Variants in SLIT2 observed in about 807,000 individuals in gnomAD.
SLIT2 encodes the protein slit guidance ligand 2, also known as slit homolog 2 protein.
In SLIT2, 41 loss-of-function variants were observed where a neutral mutation model predicts 185.7. The observed-to-expected ratio is 0.22, with a 90% CI of 0.17 to 0.29. SLIT2 has a LOEUF of 0.29. Ranked by LOEUF, SLIT2 falls within the 10% of genes least tolerant of loss-of-function variation. SLIT2 has a pLI of 1.00. For missense variants in SLIT2, 1,571 were observed against 1,909.0 expected (o/e 0.82, Z 3.30); for synonymous variants, 693 against 680.2 (o/e 1.02, Z -0.29).
At chr4:20,565,798 A>G (rs894112866) in intron 26 of SLIT2, among the ~76,000 whole-genome samples, 3 of 152,004 alleles carry the variant, frequency 2.0e-5, no homozygotes, top group African/African-American at 7.2e-5. Flanking sequence ...CTAATGGTTA[A>G]AAACAAACAA....
rs564590477 is a variant in SLIT2 at position 20,483,798 on chromosome 4, G to A, written c.540-2402G>A. 5.3e-5 allele frequency among the ~76,000 whole-genome samples: 8 copies of A among 151,926 alleles called. No individual in the cohort carries two copies. The South Asian group carries it at 1.7e-3, about 32-fold the overall frequency. The stretch of plus-strand genomic sequence containing the variant: ...GAGCACAGAAATAGACTTACACATG[G>A]GAGAAAATGTTCACAACTAAATAAT... On this transcript the variant is annotated intron_variant, in intron 6 of 36. Transcript: ENST00000504154.
intron 6 of SLIT2, 57 bp from the exon 7 acceptor site, chr4:20,486,143 A>G: frequency 9.4e-7 from 1 of 1,067,192 alleles, no homozygotes; most frequent in Non-Finnish European, 1.4e-6. Flanking sequence ...GTTAATATAT[A>G]AAATGATCAA....
intron 18 of SLIT2, among the ~76,000 whole-genome samples, chr4:20,536,558 CAAAAAAAA>C (rs35710842): frequency 1.3e-5 from 1 of 75,832 alleles, no homozygotes; most frequent in Non-Finnish European, 2.5e-5. Flanking sequence ...AACTCTGTCG[CAAAAAAAA>C]AAAAAAAAAA....
intron 4 of SLIT2, among the ~76,000 whole-genome samples, chr4:20,302,304 C>G (rs772544878): frequency 6.6e-6 from 1 of 152,118 alleles, no homozygotes; most frequent in African/African-American, 2.4e-5. Flanking sequence ...TTCAGTCTTT[C>G]TCTAGTGTTC....
intron 11 of SLIT2, among the ~76,000 whole-genome samples, chr4:20,513,529 C>T (rs1719934811): frequency 6.6e-6 from 1 of 152,036 alleles, no homozygotes; most frequent in African/African-American, 2.4e-5. Context: ...ATGTATTGGG[C>T]CCGATTATGT....
chr4:20,285,808 A>G lies in SLIT2; in HGVS notation c.395+16927A>G, dbSNP rs1050336293. 3.3e-5 allele frequency among the ~76,000 whole-genome samples: 5 copies of G among 152,150 alleles called. No individual in the cohort carries two copies. The South Asian group carries it at 6.2e-4, about 19-fold the overall frequency. On this transcript the variant is annotated intron_variant, in intron 4 of 36. Coordinates refer to ENST00000504154, the MANE Select transcript of SLIT2 (RefSeq NM_004787.4). The stretch of plus-strand genomic sequence containing the variant: ...AGCAATCTACCTGCTTCAACCTCCC[A>G]AAGTGCTGGGATTACAAGCATGAGC...
intron 9 of SLIT2, among the ~76,000 whole-genome samples, chr4:20,504,713 C>T (rs1325500160): frequency 6.6e-6 from 1 of 152,040 alleles, no homozygotes; most frequent in Non-Finnish European, 1.5e-5. Flanking sequence ...TATATATACA[C>T]ATATAATTTT....
rs185549700 is a variant in SLIT2 at position 20,509,645 on chromosome 4, G to A, written c.915-850G>A. Among the ~76,000 whole-genome samples the A allele has an allele frequency of 2.1e-4, 32 of 152,206 alleles. No homozygotes were observed. In the East Asian group the frequency reaches 4.6e-3, roughly 22 times the overall value. On this transcript the variant is annotated intron_variant, in intron 9 of 36. Coordinates refer to ENST00000504154, the MANE Select transcript of SLIT2 (RefSeq NM_004787.4). ...GAAGGGGATGGGAAATGATCATAAC[G>A]ATGTTTGTTTGGAGTGAAAGGAGGC... is the stretch of plus-strand genomic sequence containing the variant.
Position 20,254,002 on chromosome 4 carries a change from T to C in SLIT2, c.179+8T>C. 1 of 1,598,302 alleles carries C rather than the reference T, an allele frequency of 6.3e-7. No individual in the cohort carries two copies. Among genetic ancestry groups the C allele is most frequent in the Non-Finnish European group, 8.5e-7 (1 of 1,176,928 alleles). ...CCGCAACACCGAGAGACTGTGAGTA[T>C]GCGCTCTTCGTCTTCCCCTCTCCCC... On this transcript the variant is annotated splice_region_variant and intron_variant, in intron 1 of 36. Coordinates refer to ENST00000504154, the MANE Select transcript of SLIT2 (RefSeq NM_004787.4). The surrounding 1 kb of genome is among the most constrained non-coding windows in gnomAD (Gnocchi z 5.1).
intron 9 of SLIT2, among the ~76,000 whole-genome samples, chr4:20,498,709 G>C (rs563789678): frequency 6.6e-6 from 1 of 152,152 alleles, no homozygotes; most frequent in Non-Finnish European, 1.5e-5. Flanking sequence ...CTTTTTCAGG[G>C]GCTCCAGCTC....
chr4:20,320,775 C>T (rs1163966348), intron 4 of SLIT2, among the ~76,000 whole-genome samples: 1 of 152,168 alleles, frequency 6.6e-6, no homozygotes, highest in African/African-American at 2.4e-5. Context: ...ATAGCCCACT[C>T]CAACTTCTAT....
At chr4:20,292,275 A>C (rs1016036599) in intron 4 of SLIT2, among the ~76,000 whole-genome samples, 2 of 152,218 alleles carry the variant, frequency 1.3e-5, no homozygotes, top group Non-Finnish European at 1.5e-5. Flanking sequence ...TTTGTGTCTG[A>C]ACATCTTGAT....
intron 4 of SLIT2, among the ~76,000 whole-genome samples, chr4:20,291,933 T>C (rs1041414867): frequency 1.3e-5 from 2 of 150,410 alleles, no homozygotes; most frequent in Non-Finnish European, 3.0e-5. Flanking sequence ...TGTGTGTGTG[T>C]GTGTGTGCAT....
intron 4 of SLIT2, among the ~76,000 whole-genome samples, chr4:20,351,082 C>A (rs1024238364): frequency 1.3e-5 from 2 of 150,600 alleles, no homozygotes; most frequent in African/African-American, 2.4e-5. Context: ...GAGTTTTGCC[C>A]TTGTTGCCCA....
intron 4 of SLIT2, among the ~76,000 whole-genome samples, chr4:20,314,089 C>G (rs1187143291): frequency 2.0e-5 from 3 of 152,080 alleles, no homozygotes; most frequent in Non-Finnish European, 4.4e-5. Flanking sequence ...TCTGCCAACC[C>G]CATATTAAGA....
At chr4:20,265,906 G>A (rs1712988383) in intron 3 of SLIT2, among the ~76,000 whole-genome samples, 1 of 151,798 alleles carries the variant, frequency 6.6e-6, no homozygotes, top group Non-Finnish European at 1.5e-5. Context: ...TTTTCCAGAG[G>A]AGTGATTCAG....
chr4:20,569,783 A>G (rs1033874114), intron 29 of SLIT2, among the ~76,000 whole-genome samples: 1 of 152,122 alleles, frequency 6.6e-6, no homozygotes, highest in Non-Finnish European at 1.5e-5. Flanking sequence ...TGGAGAAGTA[A>G]TTTTGATCAC....
intron 5 of SLIT2, among the ~76,000 whole-genome samples, chr4:20,468,653 T>G (rs146511183): frequency 7.9e-4 from 120 of 152,170 alleles, no homozygotes; most frequent in African/African-American, 2.6e-3. Context: ...AAAATGATGG[T>G]TTTTGATAGA....
At chr4:20,472,259 TATATATAG>T (rs1715169229) in intron 5 of SLIT2, among the ~76,000 whole-genome samples, 1 of 45,012 alleles carries the variant, frequency 2.2e-5, no homozygotes, top group Non-Finnish European at 3.7e-5. Flanking sequence ...TATATAGATC[TATATATAG>T]ATATATATCT....
Sources: allele counts gnomAD v4.1 joint callset (sites outside exome capture counted in the v4.1 genomes callset), GRCh38; gene constraint gnomAD v4.1.1; non-coding constraint Gnocchi (gnomAD v3.1); transcripts MANE v1.5; gene names NCBI Gene and HGNC (gene_info 2026-07-23, HGNC 2026-07-21).